SEC23B: variants seen among roughly 807,000 people sequenced by gnomAD.
SEC23B encodes the protein SEC23 homolog B, COPII component.
In SEC23B, 77 loss-of-function variants were observed where a neutral mutation model predicts 104.3. The ratio of observed to expected loss-of-function variants is 0.74; its 90% CI spans 0.61 to 0.89. SEC23B has a LOEUF of 0.89. Among genes scored for constraint, SEC23B ranks in the 40% least tolerant of loss-of-function variants. SEC23B has a pLI of 0.00. For synonymous variants in SEC23B, 338 were observed against 332.5 expected (o/e 1.02, Z -0.18); for missense variants, 885 against 949.4 (o/e 0.93, Z 0.89).
intron 18 of SEC23B, among the ~76,000 whole-genome samples, chr20:18,554,671 CAAAA>C (rs1018643371): frequency 2.0e-5 from 3 of 151,842 alleles, no homozygotes; most frequent in African/African-American, 7.3e-5. Flanking sequence ...ACTAAAAATA[CAAAA>C]AATTAGCTGG....
At chr20:18,558,812 AGT>A (rs1479613050) in intron 19 of SEC23B, among the ~76,000 whole-genome samples, 1 of 151,882 alleles carries the variant, frequency 6.6e-6, no homozygotes, top group African/African-American at 2.4e-5. Flanking sequence ...ATTTGTTTCA[AGT>A]GTGTTTGTAA....
chr20:18,554,961 GTAAAACAATTCTAAT>G lies in SEC23B; in HGVS notation c.2149-144_2149-130del. The G allele has an allele frequency of 1.2e-4, 15 of 124,156 alleles. 5 individuals are homozygous for G. Among genetic ancestry groups the G allele is most frequent in the South Asian group, 2.7e-4 (3 of 10,910 alleles). 7.7% of individuals were successfully genotyped at this position (124,156 alleles called of 1,614,324 possible). A position where few individuals can be genotyped will look rare whatever the true frequency, so the allele number is the denominator to read the frequency against. ...AGCTAAAGAAATAGATTACTGTGCA[GTAAAACAATTCTAAT>G]TAGATTACTGTGCAGTAAAACAATT... On this transcript the variant is annotated intron_variant, in intron 18 of 19. Transcript: ENST00000650089.
rs747388303 is a variant in SEC23B, at chr20:18,525,918, G to T, written c.820G>T (p.Val274Phe). ...CACTGGTGTGGCTTTGTCCATTGCT[G>T]TTGGCTTGCTGGAGGTAATTTAAAA... ...RSTGVALSIA[V>F]GLLEGTFPNT... Residue 274 changes from valine to phenylalanine, a missense_variant, in exon 7 of 20, where the codon GTT becomes TTT. By Grantham distance (50) the Val-to-Phe change is conservative (BLOSUM62 -1). Coordinates refer to ENST00000650089, the MANE Select transcript of SEC23B (RefSeq NM_006363.6). 2 of 1,614,200 alleles carry T rather than the reference G, an allele frequency of 1.2e-6. No homozygotes were observed. The highest frequency in any genetic ancestry group is 4.5e-5 in the East Asian group (2 of 44,876).
Position 18,548,704 on chromosome 20 carries a change from C to T in SEC23B, c.1839C>T (p.Asp613=). Residue 613 remains aspartate (D), a synonymous_variant, in exon 16 of 20, where the codon GAC becomes GAT. Coordinates refer to ENST00000650089, the MANE Select transcript of SEC23B (RefSeq NM_006363.6). ...ACAGACATCATTTTGCCCGGCAGGA[C>T]CTGACCCAGTCCCTCATCATGATCC... The part of the protein sequence containing the change: ...SYYRHHFARQ[D]LTQSLIMIQP... 1 of 1,614,176 alleles carries T rather than the reference C, an allele frequency of 6.2e-7. No homozygotes were observed. The highest frequency in any genetic ancestry group is 8.5e-7 in the Non-Finnish European group (1 of 1,180,030).
chr20:18,519,834 G>A (rs1244167875), intron 4 of SEC23B, among the ~76,000 whole-genome samples: 1 of 152,176 alleles, frequency 6.6e-6, no homozygotes, highest in Non-Finnish European at 1.5e-5. Flanking sequence ...AGAAGAGATT[G>A]GGGTTTGGGA....
chr20:18,528,340 G>T lies in SEC23B; in HGVS notation c.1109+729G>T, dbSNP rs115927056. 3.5e-3 allele frequency among the ~76,000 whole-genome samples: 535 copies of T among 152,304 alleles called. 2 individuals carry two copies. Among genetic ancestry groups the T allele is most frequent in the African/African-American group, 0.012 (501 of 41,556 alleles). ...ACTTTCTTTAGGTCTTGTCCTCAGAGATTCTAATTTAATTAGCATGAGGTG... is the reference window on the plus strand; with the variant it reads ...ACTTTCTTTAGGTCTTGTCCTCAGATATTCTAATTTAATTAGCATGAGGTG... On this transcript the variant is annotated intron_variant, in intron 9 of 19. Transcript: ENST00000650089.
At chr20:18,546,914 T>TG (rs1421312763) in intron 15 of SEC23B, among the ~76,000 whole-genome samples, 3 of 149,210 alleles carry the variant, frequency 2.0e-5, no homozygotes, top group Non-Finnish European at 3.0e-5. Flanking sequence ...TTTTTTTTTT[T>TG]TTTTTTTTTT....
At chr20:18,541,674 C>T (rs1479366489) in intron 12 of SEC23B, among the ~76,000 whole-genome samples, 1 of 152,142 alleles carries the variant, frequency 6.6e-6, no homozygotes, top group African/African-American at 2.4e-5. Context: ...CATCTTATAT[C>T]AGTGCAGTTT....
Position 18,542,398 on chromosome 20 carries a change from C to T in SEC23B, c.1507C>T (p.Arg503Ter), listed in dbSNP as rs1568617456. 6 of 1,613,620 alleles carry T rather than the reference C, an allele frequency of 3.7e-6. No homozygotes were observed. Among genetic ancestry groups the T allele is most frequent in the South Asian group, 1.1e-5 (1 of 91,088 alleles). ...ACGCATCCGCGTGACCACCATCGCC[C>T]GAAAGTAAGCAGCCCCAGTTTCCTT... ...QRRIRVTTIA[R>*]NWADVQSQLR... Residue 503 changes from arginine (R) to a stop codon, truncating the protein, a stop_gained, in exon 13 of 20, where the codon CGA (arginine) becomes TGA (stop). Coordinates refer to ENST00000650089, the MANE Select transcript of SEC23B (RefSeq NM_006363.6). LOFTEE classifies it high-confidence loss of function.
chr20:18,544,778 A>C (rs2060318100), intron 14 of SEC23B, among the ~76,000 whole-genome samples: 1 of 152,216 alleles, frequency 6.6e-6, no homozygotes, highest in Non-Finnish European at 1.5e-5. Flanking sequence ...GCTCAATGGC[A>C]CTGAGACCAG....
chr20:18,518,343 C>T lies in SEC23B; in HGVS notation c.366+2607C>T, dbSNP rs181259389. Among the ~76,000 whole-genome samples, 25 of 152,270 alleles carry T rather than the reference C, an allele frequency of 1.6e-4. No homozygotes were observed. The East Asian group carries it at 3.7e-3, about 22-fold the overall frequency. ...GGGCATGTGAGTAAAGTCAATTTGC[C>T]AGTCCCGAGCAGGGGCAAATCCCTG... On this transcript the variant is annotated intron_variant, in intron 4 of 19. Coordinates refer to ENST00000650089, the MANE Select transcript of SEC23B (RefSeq NM_006363.6).
chr20:18,508,759 G>A (rs970105983), intron 1 of SEC23B, among the ~76,000 whole-genome samples: 2 of 119,090 alleles, frequency 1.7e-5, no homozygotes, highest in African/African-American at 6.5e-5. Flanking sequence ...TCGCTCTGTC[G>A]CCCAGGCTGG....
chr20:18,522,244 G>A (rs2060090529), intron 4 of SEC23B, among the ~76,000 whole-genome samples: 1 of 152,178 alleles, frequency 6.6e-6, no homozygotes, highest in Admixed American at 6.5e-5. Flanking sequence ...GGGAATGTGG[G>A]TGAATGACCA....
intron 9 of SEC23B, 21 bp from the exon 10 acceptor site, chr20:18,530,659 G>GA: frequency 6.2e-7 from 1 of 1,611,508 alleles, no homozygotes. Context: ...ATATTCACTT[G>GA]ATTTTTTTCT....
At position 18,524,516 on chromosome 20, in the gene SEC23B, C is replaced by T. The variant is rs780716068; in HGVS notation, c.450C>T (p.Ser150=). The T allele has an allele frequency of 1.5e-5, 24 of 1,614,144 alleles. No individual in the cohort carries two copies. The East Asian group carries it at 5.1e-4, about 34-fold the overall frequency. Residue 150 remains serine (S), a synonymous_variant, in exon 5 of 20, where the codon TCC becomes TCT. Coordinates refer to ENST00000650089, the MANE Select transcript of SEC23B (RefSeq NM_006363.6). ...ATGACCTTCAAGCACTCAAAGAGTCCCTGCAGATGTCCCTGAGTCTTCTTC... is the reference window on the plus strand; with the variant it reads ...ATGACCTTCAAGCACTCAAAGAGTCTCTGCAGATGTCCCTGAGTCTTCTTC... ...EEDDLQALKE[S]LQMSLSLLPP... is the part of the protein sequence containing the mutation.
chr20:18,517,798 C>G (rs538535409), intron 4 of SEC23B, among the ~76,000 whole-genome samples: 33 of 152,110 alleles, frequency 2.2e-4, no homozygotes, highest in African/African-American at 7.7e-4. Context: ...TTGGTGATGG[C>G]CTGGATGTGG....
chr20:18,515,910 C>T, intron 4 of SEC23B, 174 bp downstream of exon 4: 3 of 639,992 alleles, frequency 4.7e-6, no homozygotes, highest in Non-Finnish European at 8.5e-6. Flanking sequence ...CAAGTCCTGA[C>T]ATTATAGAAG....
chr20:18,555,858 T>G (rs1015174921), intron 19 of SEC23B, among the ~76,000 whole-genome samples: 8 of 152,158 alleles, frequency 5.3e-5, no homozygotes, highest in Non-Finnish European at 7.4e-5. Context: ...ACCACACTTA[T>G]GCACTTTATT....
At chr20:18,545,660 C>T (rs761673418) in intron 14 of SEC23B, among the ~76,000 whole-genome samples, 6 of 152,146 alleles carry the variant, frequency 3.9e-5, no homozygotes, top group Non-Finnish European at 7.3e-5. Context: ...GAACAGGTGC[C>T]TGGAAGAGCT....
Sources: gnomAD v4.1 joint callset for allele counts (sites outside exome capture counted in the v4.1 genomes callset) on GRCh38, gnomAD v4.1.1 for gene constraint, MANE v1.5 for transcripts, NCBI Gene and HGNC (gene_info 2026-07-23, HGNC 2026-07-21) for gene names.